The following ZNF83 variants were observed in gnomAD, a reference collection of about 807,000 sequenced individuals.
ZNF83 encodes zinc finger protein 816B.
For missense variants in ZNF83, 552 were observed against 629.9 expected, an observed-to-expected ratio of 0.88 and a Z score of 1.32; for synonymous variants, 209 against 213.0, an observed-to-expected ratio of 0.98 and a Z score of 0.17.
At chr19:52,676,562 C>T (rs1474500927) in intron 1 of ZNF83, among the ~76,000 whole-genome samples, 3 of 151,938 alleles carry the variant, frequency 2.0e-5, no homozygotes, top group African/African-American at 7.2e-5. Flanking sequence ...GGCGCCTCTG[C>T]CCGGCCGCCC....
rs1430031387 is a variant in ZNF83 at position 52,687,378 on chromosome 19, AAT to A, written c.-283+3063_-283+3064del. On this transcript the variant is annotated intron_variant, in intron 1 of 5. Transcript: ENST00000594682. ...CTATATAAATTATAATATAAATTAT[AAT>A]TTATATATATATAATTTATATAGCT... 0.012 allele frequency among the ~76,000 whole-genome samples: 482 copies of A among 40,294 alleles called. 187 individuals carry two copies. In the African/African-American group the frequency reaches 0.13, roughly 11 times the overall value. 26.4% of individuals were successfully genotyped at this position (40,294 alleles called of 152,430 possible). A position where few individuals can be genotyped will look rare whatever the true frequency, so the allele number is the denominator to read the frequency against.
At chr19:52,629,619 G>A (rs995991515) in intron 2 of ZNF83, among the ~76,000 whole-genome samples, 1 of 152,076 alleles carries the variant, frequency 6.6e-6, no homozygotes, top group Admixed American at 6.6e-5. Flanking sequence ...AAGGTGGCTG[G>A]AGCTAAAGGC....
intron 2 of ZNF83, among the ~76,000 whole-genome samples, chr19:52,631,227 CAT>C (rs1210595613): frequency 3.9e-5 from 6 of 151,900 alleles, no homozygotes; most frequent in Non-Finnish European, 7.4e-5. Flanking sequence ...CATAAAAACA[CAT>C]GTGCTCTCCC....
chr19:52,641,757 T>C (rs1312792288), upstream of ZNF83, among the ~76,000 whole-genome samples: 3 of 152,178 alleles, frequency 2.0e-5, no homozygotes, highest in African/African-American at 7.2e-5. Flanking sequence ...AATTTAGAAA[T>C]CTCCTTTGCC....
chr19:52,673,294 C>G (rs1249746544), intron 1 of ZNF83, among the ~76,000 whole-genome samples: 2 of 152,128 alleles, frequency 1.3e-5, no homozygotes, highest in African/African-American at 4.8e-5. Context: ...CCCCTGAGGT[C>G]AAGAGTTCGA....
At chr19:52,622,489 G>T (rs552978261) in intron 2 of ZNF83, among the ~76,000 whole-genome samples, 5 of 152,214 alleles carry the variant, frequency 3.3e-5, no homozygotes, top group African/African-American at 1.2e-4. Flanking sequence ...CTTCAACAAG[G>T]CATCTGGGTA....
intron 1 of ZNF83, among the ~76,000 whole-genome samples, chr19:52,669,716 A>AAAAG (rs1277491956): frequency 6.6e-6 from 1 of 152,180 alleles, no homozygotes; most frequent in Non-Finnish European, 1.5e-5. Context: ...GATGGAAAAG[A>AAAAG]ATAGTAGCCT....
exon 3 of ZNF83, chr19:52,655,668 T>C: frequency 7.1e-6 from 9 of 1,272,252 alleles, no homozygotes; most frequent in Non-Finnish European, 1.0e-5. Flanking sequence ...TATAGCCACA[T>C]CCCTGAAAGT....
At chr19:52,667,880 A>C (rs963991233) in intron 1 of ZNF83, among the ~76,000 whole-genome samples, 1 of 152,362 alleles carries the variant, frequency 6.6e-6, no homozygotes, top group Admixed American at 6.5e-5. Context: ...TATAAAGGTG[A>C]AATGTAGCTT....
chr19:52,623,576 C>A (rs548822995), intron 2 of ZNF83, among the ~76,000 whole-genome samples: 2 of 152,062 alleles, frequency 1.3e-5, no homozygotes, highest in African/African-American at 4.8e-5. Flanking sequence ...ATCTCATTGC[C>A]GCCCTTCTTC....
intron 1 of ZNF83, among the ~76,000 whole-genome samples, chr19:52,679,919 A>G (rs1223742895): frequency 6.6e-6 from 1 of 151,940 alleles, no homozygotes; most frequent in Non-Finnish European, 1.5e-5. Context: ...AGTGGCTCAC[A>G]CCTGTAAGCC....
intron 3 of ZNF83, among the ~76,000 whole-genome samples, chr19:52,646,380 A>AAAC (rs373346017): frequency 8.5e-4 from 130 of 152,182 alleles, no homozygotes; most frequent in East Asian, 2.5e-3. Context: ...CCATTTCTCC[A>AAAC]AACAACAACA....
At chr19:52,632,936 CAGAG>C (rs1472428932) in intron 2 of ZNF83, among the ~76,000 whole-genome samples, 2 of 152,148 alleles carry the variant, frequency 1.3e-5, no homozygotes, top group Non-Finnish European at 2.9e-5. Context: ...CGAAGCAGCC[CAGAG>C]AAACATCGTC....
chr19:52,672,405 T>C (rs1185970410), intron 1 of ZNF83, among the ~76,000 whole-genome samples: 3 of 152,128 alleles, frequency 2.0e-5, no homozygotes, highest in Non-Finnish European at 4.4e-5. Context: ...TAAAATATGA[T>C]TACATTTAGA....
rs910115117 is a variant in ZNF83 at position 52,688,565 on chromosome 19, G to A, written c.-283+1878C>T. The stretch of plus-strand genomic sequence containing the variant: ...TCTAGCTCTTGTTTTATTTTCCCCC[G>A]GGGTTCTGCTCCTCATTTTGTACCT... On this transcript the variant is annotated intron_variant, in intron 1 of 5. Coordinates refer to the ZNF83 transcript ENST00000594682. Among the ~76,000 whole-genome samples the A allele has an allele frequency of 2.0e-5, 3 of 150,908 alleles. No individual in the cohort carries two copies. The South Asian group carries it at 6.3e-4, about 32-fold the overall frequency.
chr19:52,614,330 A>C, exon 3 of ZNF83: 2 of 1,613,222 alleles, frequency 1.2e-6, no homozygotes, highest in Non-Finnish European at 1.7e-6. Context: ...TGTGTGAATA[A>C]TGAATCCACA....
chr19:52,676,171 CG>C (rs1219678375), intron 1 of ZNF83, among the ~76,000 whole-genome samples: 1 of 152,174 alleles, frequency 6.6e-6, no homozygotes, highest in Non-Finnish European at 1.5e-5. Flanking sequence ...TTGGTGGAGA[CG>C]GGGTTTCGCT....
chr19:52,620,268 C>CTGTGTG (rs1346555908), intron 2 of ZNF83, among the ~76,000 whole-genome samples: 1,992 of 121,236 alleles, frequency 0.016, 37 homozygotes, highest in African/African-American at 0.054. Context: ...GTGTGTATAT[C>CTGTGTG]TCTGTGTGTG....
chr19:52,683,374 T>G (rs114374985), intron 1 of ZNF83, among the ~76,000 whole-genome samples: 3,215 of 152,256 alleles, frequency 0.021, 105 homozygotes, highest in African/African-American at 0.072. Context: ...TGCAGTTCAC[T>G]GTGCTGTTTG....
Sources: gnomAD v4.1 joint callset for allele counts (sites outside exome capture counted in the v4.1 genomes callset) on GRCh38, gnomAD v4.1.1 for gene constraint, MANE v1.5 for transcripts, NCBI Gene and HGNC (gene_info 2026-07-23, HGNC 2026-07-21) for gene names.